Variants in WWOX observed in about 807,000 individuals in gnomAD.
WWOX encodes WW domain-containing oxidoreductase.
Under a neutral mutation model 46.2 loss-of-function variants are expected in WWOX, and 69 were observed. The ratio of observed to expected loss-of-function variants is 1.49; its 90% CI spans 1.23 to 1.82. The LOEUF (loss-of-function observed/expected upper bound fraction) is 1.82, where lower values mean the gene tolerates loss of function less well. Ranked by LOEUF, WWOX falls within the 40% of genes most tolerant of loss-of-function variation. WWOX has a pLI of 0.00. For synonymous variants in WWOX, 359 were observed against 202.6 expected (o/e 1.77, Z -6.56); for missense variants, 919 against 542.6 (o/e 1.69, Z -6.89).
intron 7 of WWOX, among the ~76,000 whole-genome samples, chr16:78,430,146 T>G (rs2083181460): frequency 6.6e-6 from 1 of 152,174 alleles, no homozygotes; most frequent in Admixed American, 6.5e-5. Flanking sequence ...ATGTCTTACA[T>G]GACATCAGGC....
rs770074807 is a variant in WWOX, at chr16:78,414,524, G to A, written c.606-10346G>A. 9.2e-5 allele frequency among the ~76,000 whole-genome samples: 14 copies of A among 152,260 alleles called. No individual in the cohort carries two copies. The East Asian group carries it at 1.7e-3, about 19-fold the overall frequency. On this transcript the variant is annotated intron_variant, in intron 6 of 8. Transcript: ENST00000566780. ...GAGGAGATTGCAGTGAGCCAATTGC[G>A]CCACTGCACTCCAGCCTGCAATGCA...
At chr16:78,693,569 T>TG (rs1219266121) in intron 8 of WWOX, among the ~76,000 whole-genome samples, 1 of 152,070 alleles carries the variant, frequency 6.6e-6, no homozygotes, top group Non-Finnish European at 1.5e-5. Context: ...GTATTTCAGG[T>TG]GGGGGGCCCT....
At chr16:78,375,407 T>G (rs1036332091) in intron 5 of WWOX, among the ~76,000 whole-genome samples, 1 of 152,234 alleles carries the variant, frequency 6.6e-6, no homozygotes, top group African/African-American at 2.4e-5. Flanking sequence ...TTTAATGGCT[T>G]TTCCCCATAT....
chr16:78,774,980 GC>G (rs895631614), intron 8 of WWOX, among the ~76,000 whole-genome samples: 9 of 152,150 alleles, frequency 5.9e-5, no homozygotes, highest in African/African-American at 1.9e-4. Context: ...TCGAAGAGGG[GC>G]TGCAGGTAGA....
chr16:78,444,950 A>G (rs2083524622), intron 8 of WWOX, among the ~76,000 whole-genome samples: 1 of 152,194 alleles, frequency 6.6e-6, no homozygotes, highest in South Asian at 2.1e-4. Context: ...TGACTGGCCT[A>G]GAAAACCCTA....
At chr16:78,605,260 C>A (rs1278236661) in intron 8 of WWOX, among the ~76,000 whole-genome samples, 1 of 151,694 alleles carries the variant, frequency 6.6e-6, no homozygotes, top group African/African-American at 2.4e-5. Context: ...AGCGTTGTCT[C>A]TCCAGCCTCC....
intron 8 of WWOX, among the ~76,000 whole-genome samples, chr16:78,569,331 C>T (rs1201527915): frequency 6.6e-6 from 1 of 152,186 alleles, no homozygotes; most frequent in Non-Finnish European, 1.5e-5. Context: ...TTTCATATCA[C>T]TGTTCAAACT....
At chr16:78,703,225 G>A (rs564096850) in intron 8 of WWOX, among the ~76,000 whole-genome samples, 2 of 152,050 alleles carry the variant, frequency 1.3e-5, no homozygotes, top group Admixed American at 6.6e-5. Context: ...TTTTCTCTGT[G>A]TGTCATAACT....
At chr16:78,781,045 T>C (rs557458569) in intron 8 of WWOX, among the ~76,000 whole-genome samples, 1 of 152,124 alleles carries the variant, frequency 6.6e-6, no homozygotes, top group African/African-American at 2.4e-5. Context: ...GAAGATTGTT[T>C]TGCAGCTGCA....
intron 8 of WWOX, among the ~76,000 whole-genome samples, chr16:78,764,251 T>C (rs754892586): frequency 6.6e-6 from 1 of 151,918 alleles, no homozygotes; most frequent in Non-Finnish European, 1.5e-5. Context: ...CGGCTCCGCC[T>C]TCCTGCCAGA....
intron 8 of WWOX, among the ~76,000 whole-genome samples, chr16:78,497,861 A>T (rs1381531549): frequency 5.0e-4 from 32 of 63,378 alleles, no homozygotes; most frequent in East Asian, 2.6e-3. Context: ...GAGAATTATA[A>T]AAAAATTAAA....
chr16:78,911,115 C>T (rs894825924), intron 8 of WWOX, among the ~76,000 whole-genome samples: 2 of 151,988 alleles, frequency 1.3e-5, no homozygotes, highest in Non-Finnish European at 2.9e-5. Flanking sequence ...AGTTGCAGAC[C>T]TCAGACAGGA....
intron 8 of WWOX, among the ~76,000 whole-genome samples, chr16:78,815,430 C>G (rs536583134): frequency 2.4e-4 from 36 of 152,164 alleles, no homozygotes; most frequent in Non-Finnish European, 5.0e-4. Context: ...TTGCTGTTTC[C>G]TTAAACCCTG....
intron 8 of WWOX, among the ~76,000 whole-genome samples, chr16:78,717,886 G>A (rs1432238048): frequency 2.0e-5 from 3 of 152,134 alleles, no homozygotes; most frequent in African/African-American, 7.2e-5. Context: ...GCTGTGTACT[G>A]GTTTGAAACC....
chr16:78,637,880 G>A (rs987634331), intron 8 of WWOX, among the ~76,000 whole-genome samples: 1 of 152,164 alleles, frequency 6.6e-6, no homozygotes, highest in African/African-American at 2.4e-5. Flanking sequence ...GGGGACCTCT[G>A]TAATTGGTAC....
At chr16:78,386,810 AACTAC>A in intron 5 of WWOX, 45 bp from the exon 6 acceptor site, 1 of 1,513,576 alleles carries the variant, frequency 6.6e-7, no homozygotes. Context: ...TGATACCATG[AACTAC>A]ACTTGCTGTT....
intron 5 of WWOX, among the ~76,000 whole-genome samples, chr16:78,304,121 G>A (rs1254459919): frequency 6.6e-6 from 1 of 152,120 alleles, no homozygotes; most frequent in Non-Finnish European, 1.5e-5. Context: ...CCTGAGTCAT[G>A]ACCTCCCCAA....
chr16:78,844,116 G>C (rs994648316), intron 8 of WWOX, among the ~76,000 whole-genome samples: 1 of 152,114 alleles, frequency 6.6e-6, no homozygotes, highest in Admixed American at 6.5e-5. Context: ...CTTGTAGACC[G>C]ATACTGTGGT....
rs145072469 is a variant in WWOX, at chr16:78,125,230, G to C, written c.409+10076G>C. On this transcript the variant is annotated intron_variant, in intron 4 of 8. Transcript: ENST00000566780. ...GTGCTTACAGCTGTCTTGTGATAAT[G>C]TCGAAAGGAAAGAGAAGGGAGGTGA... Among the ~76,000 whole-genome samples, 315 of 152,240 alleles carry C rather than the reference G, an allele frequency of 2.1e-3. 3 individuals carry two copies. The highest frequency in any genetic ancestry group is 7.0e-3 in the African/African-American group (291 of 41,546).
Sources: gnomAD v4.1 joint callset for allele counts (sites outside exome capture counted in the v4.1 genomes callset) on GRCh38, gnomAD v4.1.1 for gene constraint, MANE v1.5 for transcripts, NCBI Gene and HGNC (gene_info 2026-07-23, HGNC 2026-07-21) for gene names.